Variants in MYO3B observed in about 807,000 individuals in gnomAD.
MYO3B encodes the protein myosin-IIIb.
MYO3B carries 156 observed loss-of-function variants against 174.6 expected under a neutral mutation model. The ratio of observed to expected loss-of-function variants is 0.89; its 90% CI spans 0.78 to 1.02. MYO3B has a LOEUF of 1.02. MYO3B is among the 50% of genes least tolerant of loss of function. The probability of loss-of-function intolerance (pLI) is 0.00; values close to 1 mark genes in which losing one functional copy is unlikely to be tolerated. For synonymous variants in MYO3B, 563 were observed against 569.1 expected (o/e 0.99, Z 0.15); for missense variants, 1,632 against 1,639.4 (o/e 1.00, Z 0.08).
intron 32 of MYO3B, among the ~76,000 whole-genome samples, chr2:170,586,666 T>C (rs141451198): frequency 7.9e-5 from 12 of 152,356 alleles, no homozygotes; most frequent in African/African-American, 2.4e-4. Flanking sequence ...AATTTAAAAG[T>C]GGATCTGCCC....
At chr2:170,475,396 G>A (rs1685252720) in intron 25 of MYO3B, among the ~76,000 whole-genome samples, 1 of 152,126 alleles carries the variant, frequency 6.6e-6, no homozygotes, top group African/African-American at 2.4e-5. Flanking sequence ...GACTACATGT[G>A]CAAACCACCA....
intron 12 of MYO3B, chr2:170,385,690 A>G (rs1203653437): frequency 6.6e-6 from 1 of 152,370 alleles, no homozygotes; most frequent in African/African-American, 2.4e-5. Context: ...ATAAGGCTGC[A>G]CTGAGATACC....
chr2:170,205,478 G>A (rs2092704771), intron 3 of MYO3B, among the ~76,000 whole-genome samples: 1 of 152,174 alleles, frequency 6.6e-6, no homozygotes, highest in South Asian at 2.1e-4. Context: ...GTGAGCCAGG[G>A]TGGGGAGTGG....
At chr2:170,329,533 A>G (rs1178238101) in intron 7 of MYO3B, among the ~76,000 whole-genome samples, 1 of 149,398 alleles carries the variant, frequency 6.7e-6, no homozygotes, top group African/African-American at 2.5e-5. Context: ...GGTGCAGGCC[A>G]CCACACCTGG....
At position 170,450,303 on chromosome 2, in the gene MYO3B, A is replaced by C. The variant is rs567247408; in HGVS notation, c.2730+6257A>C. ...TTGCACTTTAGGGGACCTAATATCT[A>C]AAAGATTAATTAGGTCAGAAAAAGA... On this transcript the variant is annotated intron_variant, in intron 23 of 34. Coordinates refer to ENST00000408978, the MANE Select transcript of MYO3B (RefSeq NM_138995.5). Among the ~76,000 whole-genome samples the C allele has an allele frequency of 3.9e-5, 6 of 152,344 alleles. No individual in the cohort carries two copies. The South Asian group carries it at 6.2e-4, about 16-fold the overall frequency.
intron 32 of MYO3B, among the ~76,000 whole-genome samples, chr2:170,547,362 G>A (rs897872387): frequency 6.6e-6 from 1 of 151,512 alleles, no homozygotes; most frequent in Non-Finnish European, 1.5e-5. Context: ...CCCTAAACTG[G>A]CCCATGTGGT....
At chr2:170,179,272 TG>T (rs1158984137) in intron 1 of MYO3B, among the ~76,000 whole-genome samples, 1 of 152,192 alleles carries the variant, frequency 6.6e-6, no homozygotes, top group East Asian at 1.9e-4. Flanking sequence ...TCAGTTCTAG[TG>T]GGAAAATTAG....
At chr2:170,601,407 G>A (rs1195562352) in intron 32 of MYO3B, among the ~76,000 whole-genome samples, 5 of 152,158 alleles carry the variant, frequency 3.3e-5, no homozygotes, top group Admixed American at 1.3e-4. Context: ...GGCAAGGTTA[G>A]TGGCTATTGA....
At chr2:170,180,573 C>T (rs768815370) in intron 1 of MYO3B, among the ~76,000 whole-genome samples, 38 of 152,062 alleles carry the variant, frequency 2.5e-4, no homozygotes, top group Non-Finnish European at 4.3e-4. Context: ...CTGTAGAGAT[C>T]TCTTATATGT....
chr2:170,378,206 A>G (rs1300300547), intron 9 of MYO3B, among the ~76,000 whole-genome samples: 1 of 152,252 alleles, frequency 6.6e-6, no homozygotes, highest in Non-Finnish European at 1.5e-5. Context: ...AAAAATTGAA[A>G]TAAATAATGC....
At chr2:170,587,389 A>T (rs927605852) in intron 32 of MYO3B, among the ~76,000 whole-genome samples, 2 of 152,202 alleles carry the variant, frequency 1.3e-5, no homozygotes, top group African/African-American at 4.8e-5. Context: ...TACAAAACTT[A>T]TGGCTAATGT....
At chr2:170,564,404 T>TG (rs1487086711) in intron 32 of MYO3B, among the ~76,000 whole-genome samples, 1 of 152,148 alleles carries the variant, frequency 6.6e-6, no homozygotes, top group African/African-American at 2.4e-5. Context: ...ACCCAGGAGA[T>TG]GGAGGTGGCA....
chr2:170,552,156 T>A (rs371970247), intron 32 of MYO3B, among the ~76,000 whole-genome samples: 1 of 152,164 alleles, frequency 6.6e-6, no homozygotes, highest in East Asian at 1.9e-4. Flanking sequence ...GGTATTGCTA[T>A]AAAGGTATTA....
chr2:170,304,039 G>A (rs2093683598), intron 7 of MYO3B, among the ~76,000 whole-genome samples: 1 of 151,988 alleles, frequency 6.6e-6, no homozygotes, highest in Non-Finnish European at 1.5e-5. Flanking sequence ...TGGGCATTTT[G>A]GTTCTTTCCC....
intron 8 of MYO3B, among the ~76,000 whole-genome samples, chr2:170,361,249 G>T (rs186251551): frequency 6.6e-6 from 1 of 152,310 alleles, no homozygotes; most frequent in East Asian, 1.9e-4. Flanking sequence ...CTAAAGGGTG[G>T]CATTTGAACA....
In MYO3B at chr2:170,327,985, C is replaced by G. The variant is rs1255785129; in HGVS notation, c.750-7400C>G. Among the ~76,000 whole-genome samples the G allele has an allele frequency of 2.0e-5, 3 of 151,644 alleles. No homozygotes were observed. The East Asian group carries it at 5.8e-4, about 29-fold the overall frequency. On this transcript the variant is annotated intron_variant, in intron 7 of 34. Coordinates refer to ENST00000408978, the MANE Select transcript of MYO3B (RefSeq NM_138995.5). ...GGCTCCATCTCGGCTCACTGCAGCC[C>G]CGACCTCCCAGGTTCAGACGATCCT... is the stretch of plus-strand genomic sequence containing the variant.
rs561080781 is a variant in MYO3B, at chr2:170,265,011, T to A, written c.749+28875T>A. Among the ~76,000 whole-genome samples the A allele has an allele frequency of 9.4e-4, 143 of 152,330 alleles. 2 individuals are homozygous for A. Among genetic ancestry groups the A allele is most frequent in the African/African-American group, 3.2e-3 (134 of 41,584 alleles). On this transcript the variant is annotated intron_variant, in intron 7 of 34. Transcript: ENST00000408978. ...AAGATATGTGAGAGGAGATAATTGT[T>A]GAGGGCAGAGTTTTAAAAAGCCTTT...
chr2:170,347,108 A>G (rs532460195), intron 8 of MYO3B, among the ~76,000 whole-genome samples: 38 of 152,248 alleles, frequency 2.5e-4, no homozygotes, highest in Non-Finnish European at 4.7e-4. Flanking sequence ...GAGCTAAAAT[A>G]AAAGTAGTAG....
intron 1 of MYO3B, 71 bp downstream of exon 1, chr2:170,178,360 A>G: frequency 6.3e-7 from 1 of 1,580,982 alleles, no homozygotes; most frequent in Non-Finnish European, 8.7e-7. Flanking sequence ...CAAAGGGCAG[A>G]TGCAGCTGCC....
Sources: allele counts gnomAD v4.1 joint callset (sites outside exome capture counted in the v4.1 genomes callset), GRCh38; gene constraint gnomAD v4.1.1; transcripts MANE v1.5; gene names NCBI Gene and HGNC (gene_info 2026-07-23, HGNC 2026-07-21).